The following DEPDC5 variants were observed in gnomAD, a reference collection of about 807,000 sequenced individuals.
DEPDC5 encodes the protein GATOR1 complex protein DEPDC5.
Under a neutral mutation model 217.3 loss-of-function variants are expected in DEPDC5, and 73 were observed. The ratio of observed to expected loss-of-function variants is 0.34; its 90% CI spans 0.28 to 0.41. The LOEUF (loss-of-function observed/expected upper bound fraction) is 0.41, where lower values mean the gene tolerates loss of function less well. Among genes scored for constraint, DEPDC5 ranks in the 10% least tolerant of loss-of-function variants. The pLI, the probability that DEPDC5 is intolerant of heterozygous loss-of-function variation, is 1.00. For missense variants in DEPDC5, 1,675 were observed against 2,070.1 expected (o/e 0.81, Z 3.70); for synonymous variants, 733 against 756.7 (o/e 0.97, Z 0.51).
At chr22:31,792,230 C>T in intron 11 of DEPDC5, 128 bp downstream of exon 11, 2 of 694,480 alleles carry the variant, frequency 2.9e-6, no homozygotes, top group Non-Finnish European at 2.5e-6. Flanking sequence ...GTTATGGGGA[C>T]AGTGTAAAAG....
At chr22:31,888,375 G>T (rs1016303319) in intron 38 of DEPDC5, among the ~76,000 whole-genome samples, 3 of 135,768 alleles carry the variant, frequency 2.2e-5, no homozygotes, top group Admixed American at 7.9e-5. Flanking sequence ...TCAGCCTCCC[G>T]AGTAGCTGGG....
At chr22:31,823,962 G>C (rs1220437038) in intron 24 of DEPDC5, among the ~76,000 whole-genome samples, 2 of 152,184 alleles carry the variant, frequency 1.3e-5, no homozygotes, top group African/African-American at 4.8e-5. Context: ...TGTACAAAAT[G>C]AGTGTGGAAA....
At chr22:31,755,721 C>T (rs1407766402) in intron 2 of DEPDC5, among the ~76,000 whole-genome samples, 6 of 151,976 alleles carry the variant, frequency 3.9e-5, no homozygotes, top group Admixed American at 2.0e-4. Context: ...TCCTTAGTGC[C>T]TTGAATCCAT....
At chr22:31,809,576 G>A (rs774496537) in intron 18 of DEPDC5, 35 bp from the exon 19 acceptor site, 1 of 1,612,718 alleles carries the variant, frequency 6.2e-7, no homozygotes, top group Non-Finnish European at 8.5e-7. Flanking sequence ...TTCTAGCGAA[G>A]GAAGGAGTGA....
At chr22:31,783,226 A>G (rs1040089983) in intron 8 of DEPDC5, among the ~76,000 whole-genome samples, 10 of 152,202 alleles carry the variant, frequency 6.6e-5, no homozygotes, top group African/African-American at 2.4e-4. Flanking sequence ...CACCCCAGCC[A>G]GCAGCGGCAG....
chr22:31,884,347 ACACT>A (rs1176236419), intron 38 of DEPDC5, among the ~76,000 whole-genome samples: 3 of 152,130 alleles, frequency 2.0e-5, no homozygotes, highest in Non-Finnish European at 4.4e-5. Flanking sequence ...TGACAGGCAC[ACACT>A]CTCTCCTGCT....
intron 38 of DEPDC5, among the ~76,000 whole-genome samples, chr22:31,882,734 AT>A (rs1279927659): frequency 2.6e-5 from 4 of 151,952 alleles, no homozygotes; most frequent in African/African-American, 7.3e-5. Context: ...TCATTTGTTC[AT>A]TCTTTCTCTT....
intron 31 of DEPDC5, among the ~76,000 whole-genome samples, chr22:31,854,535 C>T (rs1480279943): frequency 6.6e-6 from 1 of 152,174 alleles, no homozygotes; most frequent in African/African-American, 2.4e-5. Context: ...TAAAATATCC[C>T]AGCTAATAAA....
At chr22:31,781,473 C>A (rs868082739) in intron 8 of DEPDC5, among the ~76,000 whole-genome samples, 1 of 151,970 alleles carries the variant, frequency 6.6e-6, no homozygotes, top group Non-Finnish European at 1.5e-5. Context: ...CACTGTGTTG[C>A]CTAGGCTGGA....
chr22:31,833,541 G>A (rs887152500), intron 24 of DEPDC5, among the ~76,000 whole-genome samples: 2 of 152,230 alleles, frequency 1.3e-5, no homozygotes. Context: ...AGGTTGGAGT[G>A]CAGTGGCACG....
intron 7 of DEPDC5, among the ~76,000 whole-genome samples, chr22:31,770,688 G>A (rs1162122997): frequency 6.6e-6 from 1 of 151,262 alleles, no homozygotes; most frequent in East Asian, 2.0e-4. Context: ...TACCTCACCC[G>A]GCATATTTGT....
chr22:31,844,788 C>G (rs2091624727), intron 29 of DEPDC5: 1 of 352,164 alleles, frequency 2.8e-6, no homozygotes, highest in Admixed American at 6.0e-5. Context: ...CTCCTGAGTT[C>G]AAGCAATCCT....
At chr22:31,793,337 A>G (rs919761016) in intron 12 of DEPDC5, among the ~76,000 whole-genome samples, 11 of 152,152 alleles carry the variant, frequency 7.2e-5, no homozygotes, top group African/African-American at 2.2e-4. Context: ...GACCTTCTAA[A>G]TGTTTTATTG....
At chr22:31,787,069 C>T (rs540742605) in intron 10 of DEPDC5, among the ~76,000 whole-genome samples, 9 of 151,600 alleles carry the variant, frequency 5.9e-5, no homozygotes, top group Admixed American at 2.6e-4. Context: ...TGTGAGCCAC[C>T]GTGCCTAGCC....
intron 32 of DEPDC5, among the ~76,000 whole-genome samples, chr22:31,859,628 A>C (rs900294672): frequency 1.3e-5 from 2 of 148,746 alleles, no homozygotes; most frequent in Non-Finnish European, 3.0e-5. Context: ...CCTGACCTCA[A>C]GTGATCCACC....
At chr22:31,822,362 T>A (rs768628321) in intron 23 of DEPDC5, among the ~76,000 whole-genome samples, 18 of 152,148 alleles carry the variant, frequency 1.2e-4, no homozygotes, top group Middle Eastern at 3.2e-3. Flanking sequence ...GTCCATATAT[T>A]CAAGCACCTC....
intron 26 of DEPDC5, chr22:31,837,410 G>A (rs2091092356): frequency 3.9e-6 from 2 of 518,504 alleles, no homozygotes; most frequent in African/African-American, 2.0e-5. Context: ...GAGTACAGTG[G>A]TATGATCACA....
At chr22:31,881,123 C>T (rs1014504890) in intron 38 of DEPDC5, among the ~76,000 whole-genome samples, 2 of 151,558 alleles carry the variant, frequency 1.3e-5, no homozygotes, top group African/African-American at 4.9e-5. Context: ...CCAGCCTGGG[C>T]AACATGATGA....
chr22:31,782,197 G>A (rs1170369123), intron 8 of DEPDC5, among the ~76,000 whole-genome samples: 1 of 150,940 alleles, frequency 6.6e-6, no homozygotes, highest in African/African-American at 2.4e-5. Flanking sequence ...GAGTGCAGTG[G>A]TATGATCTTG....
Sources: gnomAD v4.1 joint callset for allele counts (sites outside exome capture counted in the v4.1 genomes callset) on GRCh38, gnomAD v4.1.1 for gene constraint, MANE v1.5 for transcripts, NCBI Gene and HGNC (gene_info 2026-07-23, HGNC 2026-07-21) for gene names.